The following RGSL1 variants were observed in gnomAD, a reference collection of about 807,000 sequenced individuals.
The protein encoded by RGSL1 is regulator of G protein signaling like 1.
In RGSL1, 97 loss-of-function variants were observed where a neutral mutation model predicts 124.7. That is an observed-to-expected ratio of 0.78 (90% CI 0.66 to 0.92). The LOEUF is 0.92. RGSL1 is among the 40% of genes least tolerant of loss of function. The pLI, the probability that RGSL1 is intolerant of heterozygous loss-of-function variation, is 0.00. For synonymous variants in RGSL1, 424 were observed against 438.1 expected (o/e 0.97, Z 0.40); for missense variants, 1,233 against 1,288.4 (o/e 0.96, Z 0.66).
rs1472369331 is a variant in RGSL1 at position 182,472,567 on chromosome 1, A to G, written c.463+10A>G. The G allele has an allele frequency of 5.3e-6, 8 of 1,510,144 alleles. No homozygotes were observed. Among genetic ancestry groups the G allele is most frequent in the Non-Finnish European group, 7.2e-6 (8 of 1,118,338 alleles). 93.5% of individuals were successfully genotyped at this position (1,510,144 alleles called of 1,614,324 possible). On this transcript the variant is annotated intron_variant, in intron 5 of 21. Transcript: ENST00000294854. ...TGTAACATGAACATCAGTAAGAATT[A>G]TAAAGCATCTTTTTGGGGGGATGCA...
intron 11 of RGSL1, 59 bp from the exon 12 acceptor site, chr1:182,530,185 A>G (rs1340045879): frequency 6.9e-6 from 9 of 1,301,094 alleles, no homozygotes. Flanking sequence ...AAAAACCACC[A>G]GCTATCTCAG....
At chr1:182,514,924 G>A (rs1657745518) in intron 9 of RGSL1, among the ~76,000 whole-genome samples, 2 of 152,228 alleles carry the variant, frequency 1.3e-5, no homozygotes, top group Non-Finnish European at 2.9e-5. Context: ...CTCCAGAGGA[G>A]TATAAGCTGG....
chr1:182,488,894 C>T, intron 7 of RGSL1, 86 bp from the exon 8 acceptor site: 1 of 1,021,696 alleles, frequency 9.8e-7, no homozygotes, highest in South Asian at 1.6e-5. Flanking sequence ...AACAGGGAGG[C>T]ATGGAGCACT....
At chr1:182,473,229 T>C (rs894392264) in intron 5 of RGSL1, among the ~76,000 whole-genome samples, 7 of 152,210 alleles carry the variant, frequency 4.6e-5, no homozygotes, top group Admixed American at 1.3e-4. Context: ...TCCAAACCTC[T>C]TCATCAAAAA....
intron 6 of RGSL1, among the ~76,000 whole-genome samples, chr1:182,477,015 G>T (rs1654340983): frequency 6.6e-6 from 1 of 152,108 alleles, no homozygotes; most frequent in Admixed American, 6.5e-5. Context: ...TACATACTCA[G>T]AGTGACATCA....
chr1:182,462,641 C>T (rs1652943065), intron 4 of RGSL1, among the ~76,000 whole-genome samples: 1 of 152,036 alleles, frequency 6.6e-6, no homozygotes, highest in Non-Finnish European at 1.5e-5. Flanking sequence ...GATATTAATG[C>T]ACATTAATTA....
chr1:182,466,909 A>G (rs967082649), intron 4 of RGSL1, among the ~76,000 whole-genome samples: 2 of 152,194 alleles, frequency 1.3e-5, no homozygotes, highest in African/African-American at 4.8e-5. Context: ...TTCTGATTTC[A>G]AAACTTACTA....
intron 9 of RGSL1, among the ~76,000 whole-genome samples, chr1:182,509,738 C>T (rs555047551): frequency 0.013 from 1,820 of 136,600 alleles, 39 homozygotes; most frequent in African/African-American, 0.05. Flanking sequence ...ACCTCCCTCC[C>T]GGATGGCACG....
chr1:182,498,212 T>A (rs1189070693), intron 9 of RGSL1, among the ~76,000 whole-genome samples: 3 of 152,144 alleles, frequency 2.0e-5, no homozygotes, highest in Admixed American at 2.0e-4. Context: ...GTGATTATTT[T>A]GGTGCTCAAA....
intron 2 of RGSL1, among the ~76,000 whole-genome samples, chr1:182,457,318 C>T (rs954055001): frequency 3.3e-5 from 5 of 152,120 alleles, no homozygotes; most frequent in Admixed American, 2.0e-4. Context: ...CTTCCAAACC[C>T]CACTCCCACA....
intron 10 of RGSL1, 95 bp downstream of exon 10, chr1:182,522,204 G>T: frequency 1.2e-6 from 1 of 827,766 alleles, no homozygotes; most frequent in Non-Finnish European, 2.0e-6. Flanking sequence ...TCTATGTGTA[G>T]GTTTTCAGAC....
chr1:182,474,401 C>G lies in RGSL1; in HGVS notation c.1290C>G (p.Asp430Glu). ...CAATCTTTCGTCACTTGCTGGGTGA[C>G]AGAATCTGCGAGCTCTACCTGAATG... ...GNAIFRHLLG[D>E]RICELYLNEQ... Residue 430 changes from aspartate to glutamate, a missense_variant, in exon 6 of 22, where the codon GAC becomes GAG. Asp to Glu is a conservative substitution (Grantham distance 45). Transcript: ENST00000294854. 1 of 1,552,012 alleles carries G rather than the reference C, an allele frequency of 6.4e-7. No homozygotes were observed. The highest frequency in any genetic ancestry group is 8.7e-7 in the Non-Finnish European group (1 of 1,147,022).
intron 11 of RGSL1, among the ~76,000 whole-genome samples, chr1:182,529,495 G>A (rs777228688): frequency 1.1e-4 from 17 of 152,160 alleles, no homozygotes; most frequent in Admixed American, 3.9e-4. Flanking sequence ...TTCCTAAGGT[G>A]GGAGGGTAAA....
intron 8 of RGSL1, among the ~76,000 whole-genome samples, chr1:182,492,397 G>A (rs987085531): frequency 1.3e-5 from 2 of 152,086 alleles, no homozygotes; most frequent in African/African-American, 4.8e-5. Context: ...ATTTGTATGA[G>A]TTACTTCTCA....
At chr1:182,472,286 T>C (rs1009896812) in intron 4 of RGSL1, 110 bp from the exon 5 acceptor site, 1 of 977,450 alleles carries the variant, frequency 1.0e-6, no homozygotes, top group Admixed American at 2.8e-5. Context: ...GGAATGATGA[T>C]TGATGCAGTG....
Position 182,492,209 on chromosome 1 carries a change from T to C in RGSL1, c.1718-813T>C, listed in dbSNP as rs989194375. 2.6e-5 allele frequency among the ~76,000 whole-genome samples: 4 copies of C among 152,196 alleles called. No individual in the cohort carries two copies. In the East Asian group the frequency reaches 7.7e-4, roughly 29 times the overall value. On this transcript the variant is annotated intron_variant, in intron 8 of 21. Coordinates refer to ENST00000294854, the MANE Select transcript of RGSL1 (RefSeq NM_001137669.2). Reference sequence around the variant, plus strand: ...TGAAGCAATAGTAGAATGTTTGAAATGCATTTGTAGTTGTGGTCTCATGCC... The same window carrying C: ...TGAAGCAATAGTAGAATGTTTGAAACGCATTTGTAGTTGTGGTCTCATGCC...
At chr1:182,554,963 G>A (rs970564542) in intron 20 of RGSL1, 3 of 449,138 alleles carry the variant, frequency 6.7e-6, no homozygotes, top group African/African-American at 5.9e-5. Flanking sequence ...CTGTGGAAGT[G>A]TCCCAGATGA....
chr1:182,540,480 C>T (rs955898199), intron 15 of RGSL1, 59 bp downstream of exon 15: 3 of 1,468,270 alleles, frequency 2.0e-6, no homozygotes, highest in Non-Finnish European at 2.8e-6. Flanking sequence ...CTTAGGACTG[C>T]CCAGCAGAAA....
At chr1:182,483,264 A>G (rs924967773) in intron 6 of RGSL1, among the ~76,000 whole-genome samples, 3 of 151,084 alleles carry the variant, frequency 2.0e-5, no homozygotes, top group African/African-American at 7.3e-5. Context: ...CCACAAAAGA[A>G]AAAAAAAAGC....
Sources: gnomAD v4.1 joint callset for allele counts (sites outside exome capture counted in the v4.1 genomes callset) on GRCh38, gnomAD v4.1.1 for gene constraint, MANE v1.5 for transcripts, NCBI Gene and HGNC (gene_info 2026-07-23, HGNC 2026-07-21) for gene names.